NRG3: variants seen among roughly 807,000 people sequenced by gnomAD.
NRG3 encodes the protein neuregulin 3.
In NRG3, 31 loss-of-function variants were observed where a neutral mutation model predicts 66.9. The ratio of observed to expected loss-of-function variants is 0.46; its 90% confidence interval spans 0.35 to 0.63. NRG3 has a LOEUF of 0.63. Among genes scored for constraint, NRG3 ranks in the 20% least tolerant of loss-of-function variants. NRG3 has a pLI of 0.00. For missense variants in NRG3, 910 were observed against 878.9 expected (o/e 1.04, Z -0.45); for synonymous variants, 393 against 359.4 (o/e 1.09, Z -1.06).
intron 3 of NRG3, among the ~76,000 whole-genome samples, chr10:82,770,091 G>T (rs1251424964): frequency 1.3e-5 from 2 of 151,974 alleles, no homozygotes; most frequent in East Asian, 3.9e-4. Context: ...GAATAAAAAT[G>T]AGTCATTATA....
At chr10:82,224,178 C>T (rs772470417) in intron 1 of NRG3, 6 of 152,132 alleles carry the variant, frequency 3.9e-5, no homozygotes, top group Non-Finnish European at 5.9e-5. Context: ...TGTTCATTGC[C>T]GTATCCTCAG....
intron 1 of NRG3, among the ~76,000 whole-genome samples, chr10:82,235,999 G>C (rs544795497): frequency 2.0e-5 from 3 of 151,418 alleles, no homozygotes; most frequent in East Asian, 1.9e-4. Context: ...CACACACACA[G>C]ACACAGACAC....
intron 2 of NRG3, among the ~76,000 whole-genome samples, chr10:82,439,370 CT>C (rs1160450285): frequency 7.0e-6 from 1 of 142,484 alleles, no homozygotes; most frequent in East Asian, 2.0e-4. Flanking sequence ...AAATTTTATA[CT>C]TTAAAACAAA....
Position 82,354,090 on chromosome 10 carries a change from A to G in NRG3, c.824-4649A>G, listed in dbSNP as rs2083616792. ...CCCTGTCTCAAACAGGCTGGGGTGC[A>G]GTGGCGCAATACCAGCTCACTGCAA... On this transcript the variant is annotated intron_variant, in intron 1 of 8. Transcript: ENST00000372141. Among the ~76,000 whole-genome samples, 7 of 130,954 alleles carry G rather than the reference A, an allele frequency of 5.3e-5. No individual in the cohort carries two copies. In the Admixed American group the frequency reaches 5.7e-4, roughly 11 times the overall value. The allele number at this position is 130,954 out of a possible 152,430, so 85.9% of individuals were successfully genotyped here.
At chr10:82,789,055 C>T (rs890515397) in intron 3 of NRG3, among the ~76,000 whole-genome samples, 3 of 152,040 alleles carry the variant, frequency 2.0e-5, no homozygotes, top group African/African-American at 7.2e-5. Flanking sequence ...AGTGCTGGGT[C>T]ATCTGGCAAC....
intron 3 of NRG3, among the ~76,000 whole-genome samples, chr10:82,744,377 C>T (rs1038502969): frequency 6.6e-6 from 1 of 152,168 alleles, no homozygotes; most frequent in Admixed American, 6.5e-5. Flanking sequence ...TCAGTGTCTG[C>T]TGTGGGCAAT....
chr10:82,720,805 TTATACATATATATA>T (rs1289951999), intron 2 of NRG3, among the ~76,000 whole-genome samples: 5 of 63,504 alleles, frequency 7.9e-5, no homozygotes, highest in African/African-American at 3.6e-4. Context: ...TAGGAGTATT[TTATACATATATATA>T]TATATATATA....
At chr10:81,969,135 T>C (rs1019950079) in intron 1 of NRG3, among the ~76,000 whole-genome samples, 1 of 152,142 alleles carries the variant, frequency 6.6e-6, no homozygotes, top group Non-Finnish European at 1.5e-5. Flanking sequence ...ATGACCGTGC[T>C]TTTGCTGGAT....
intron 3 of NRG3, among the ~76,000 whole-genome samples, chr10:82,794,076 T>C (rs765252483): frequency 5.3e-5 from 8 of 152,220 alleles, no homozygotes; most frequent in Non-Finnish European, 1.0e-4. Context: ...TTCTGTGTAC[T>C]TGTTTTCTTG....
intron 6 of NRG3, among the ~76,000 whole-genome samples, chr10:82,968,918 T>C (rs1182296900): frequency 1.3e-5 from 2 of 152,184 alleles, no homozygotes; most frequent in Admixed American, 6.5e-5. Flanking sequence ...AAAGCACGTC[T>C]TACGTGGCAG....
rs117757758 is a variant in NRG3 at position 82,493,680 on chromosome 10, G to A, written c.953+134812G>A. On this transcript the variant is annotated intron_variant, in intron 2 of 8. Transcript: ENST00000372141. Reference sequence around the variant, plus strand: ...TATAGGAAATACCATTCAGGACATAGGGATGGGCAAAGATTTCATGATGAA... The same window carrying A: ...TATAGGAAATACCATTCAGGACATAAGGATGGGCAAAGATTTCATGATGAA... Among the ~76,000 whole-genome samples the A allele has an allele frequency of 1.1e-3, 170 of 152,246 alleles. 3 individuals carry two copies. The East Asian group carries it at 0.031, about 28-fold the overall frequency.
chr10:82,417,001 A>T (rs1401929229), intron 2 of NRG3, among the ~76,000 whole-genome samples: 5 of 152,100 alleles, frequency 3.3e-5, no homozygotes, highest in Non-Finnish European at 7.4e-5. Flanking sequence ...AGATTTTAGT[A>T]CCATTTTTGC....
chr10:82,377,455 T>TGCGCGCGC (rs533450976), intron 2 of NRG3, among the ~76,000 whole-genome samples: 2 of 97,744 alleles, frequency 2.0e-5, no homozygotes, highest in African/African-American at 1.2e-4. Context: ...TGTGTGTGTG[T>TGCGCGCGC]GTGCGCGAGC....
chr10:82,091,515 A>G (rs1474463031), intron 1 of NRG3, among the ~76,000 whole-genome samples: 1 of 152,100 alleles, frequency 6.6e-6, no homozygotes, highest in Non-Finnish European at 1.5e-5. Context: ...TTAAGGCTGA[A>G]TTGGATTCCA....
chr10:82,718,655 G>A (rs1232288983), intron 2 of NRG3, among the ~76,000 whole-genome samples: 1 of 152,142 alleles, frequency 6.6e-6, no homozygotes, highest in Admixed American at 6.5e-5. Context: ...AACACAGGGT[G>A]GAATATGTAG....
At chr10:82,317,338 A>AT (rs1259023421) in intron 1 of NRG3, among the ~76,000 whole-genome samples, 3 of 151,922 alleles carry the variant, frequency 2.0e-5, no homozygotes, top group African/African-American at 7.3e-5. Flanking sequence ...AAGAAAATGA[A>AT]TTTTTTTCTC....
chr10:82,442,553 A>G (rs1392428145), intron 2 of NRG3, among the ~76,000 whole-genome samples: 2 of 152,134 alleles, frequency 1.3e-5, no homozygotes, highest in Admixed American at 6.5e-5. Context: ...TTGAGCAAAT[A>G]AGGAAACAGC....
At chr10:82,036,043 C>T (rs2062778341) in intron 1 of NRG3, among the ~76,000 whole-genome samples, 1 of 152,012 alleles carries the variant, frequency 6.6e-6, no homozygotes, top group South Asian at 2.1e-4. Flanking sequence ...ACTATTTCTG[C>T]CATGGAGTCT....
At chr10:82,314,100 C>G (rs1056404390) in intron 1 of NRG3, among the ~76,000 whole-genome samples, 1 of 152,136 alleles carries the variant, frequency 6.6e-6, no homozygotes, top group Non-Finnish European at 1.5e-5. Context: ...ACTCAGGCTT[C>G]TAAGGAGAAA....
Sources: gnomAD v4.1 joint callset for allele counts (sites outside exome capture counted in the v4.1 genomes callset) on GRCh38, gnomAD v4.1.1 for gene constraint, MANE v1.5 for transcripts, NCBI Gene and HGNC (gene_info 2026-07-23, HGNC 2026-07-21) for gene names.